Variants in RNF168 observed in about 807,000 individuals in gnomAD.
RNF168 encodes the protein ring finger protein 168, also known as E3 ubiquitin-protein ligase RNF168.
Under a neutral mutation model 34.9 loss-of-function variants are expected in RNF168, and 34 were observed. That is an observed-to-expected ratio of 0.97 (90% CI 0.74 to 1.30). The LOEUF is 1.30. Ranked by LOEUF, RNF168 falls within the 50% of genes most tolerant of loss-of-function variation. RNF168 has a pLI of 0.00. For synonymous variants in RNF168, 264 were observed against 254.7 expected (o/e 1.04, Z -0.35); for missense variants, 725 against 682.5 (o/e 1.06, Z -0.69).
rs1216150152 is a variant in RNF168 at position 196,503,177 on chromosome 3, A to G, written c.-4T>C. 6.2e-7 allele frequency: 1 copy of G among 1,613,566 alleles called. No homozygotes were observed. The highest frequency in any genetic ancestry group is 1.3e-5 in the African/African-American group (1 of 74,906). ...TGGCGTCTTTGGGTAGAGCCATTTCAATATGTTAGTAAAGCCGACTAAACA... is the reference window on the plus strand; with the variant it reads ...TGGCGTCTTTGGGTAGAGCCATTTCGATATGTTAGTAAAGCCGACTAAACA... On this transcript the variant is annotated 5_prime_UTR_variant, in exon 1 of 6. Coordinates refer to ENST00000318037, the MANE Select transcript of RNF168 (RefSeq NM_152617.4).
rs191494468 is a variant in RNF168 at position 196,477,341 on chromosome 3, T to C, written c.681-2029A>G. Among the ~76,000 whole-genome samples the C allele has an allele frequency of 3.0e-3, 454 of 152,138 alleles. 2 individuals are homozygous for C. Among genetic ancestry groups the C allele is most frequent in the Admixed American group, 5.2e-3 (80 of 15,280 alleles). ...ATTAGAGAAAAAAAGTGACTATAAATAACAGACAAATCCATAAGTTACACT... is the reference window on the plus strand; with the variant it reads ...ATTAGAGAAAAAAAGTGACTATAAACAACAGACAAATCCATAAGTTACACT... On this transcript the variant is annotated intron_variant, in intron 4 of 5. Transcript: ENST00000318037.
chr3:196,491,118 G>C lies in RNF168; in HGVS notation c.302-2435C>G, dbSNP rs548648047. 6.6e-5 allele frequency among the ~76,000 whole-genome samples: 10 copies of C among 152,206 alleles called. No homozygotes were observed. In the South Asian group the frequency reaches 1.9e-3, roughly 28 times the overall value. Reference sequence around the variant, plus strand: ...TCATGAGGTCAGGAGTTCGAGACCAGCCTGGCCAATATGGTGAAACCCCGT... The same window carrying C: ...TCATGAGGTCAGGAGTTCGAGACCACCCTGGCCAATATGGTGAAACCCCGT... On this transcript the variant is annotated intron_variant, in intron 1 of 5. Coordinates refer to ENST00000318037, the MANE Select transcript of RNF168 (RefSeq NM_152617.4).
chr3:196,491,909 A>G (rs970414343), intron 1 of RNF168, among the ~76,000 whole-genome samples: 13 of 152,156 alleles, frequency 8.5e-5, no homozygotes, highest in African/African-American at 3.1e-4. Context: ...GTGGGGTTCC[A>G]CTCGTACGAG....
Position 196,487,416 on chromosome 3 carries a change from T to A in RNF168, c.541A>T (p.Lys181Ter). 6.2e-7 allele frequency: 1 copy of A among 1,614,088 alleles called. No individual in the cohort carries two copies. ...AAACTTACAATATCAATGCTTAGCT[T>A]TCTTGCCAGTTCCTCATCACTTTTC... Reference protein sequence around the residue: ...QLKSDEELARKLSIDINNFCE... With the variant: ...QLKSDEELAR Residue 181 changes from lysine to a stop codon, truncating the protein, a stop_gained, in exon 3 of 6, where the codon AAG becomes TAG. Transcript: ENST00000318037. LOFTEE classifies it high-confidence loss of function.
At chr3:196,475,558 T>TTC (rs1732126797) in intron 4 of RNF168, among the ~76,000 whole-genome samples, 3 of 149,792 alleles carry the variant, frequency 2.0e-5, no homozygotes, top group Non-Finnish European at 3.0e-5. Context: ...TTTTCTTTTT[T>TTC]TTTTTTTTTT....
chr3:196,492,406 A>G (rs1164339918), intron 1 of RNF168, among the ~76,000 whole-genome samples: 1 of 152,138 alleles, frequency 6.6e-6, no homozygotes, highest in Non-Finnish European at 1.5e-5. Context: ...ACTAGAAAGC[A>G]AAACATATCA....
intron 1 of RNF168, among the ~76,000 whole-genome samples, chr3:196,491,371 G>A (rs143459867): frequency 2.0e-4 from 31 of 151,590 alleles, no homozygotes; most frequent in Non-Finnish European, 3.5e-4. Context: ...ACAGTAGGCC[G>A]GGCACAGTGG....
intron 5 of RNF168, among the ~76,000 whole-genome samples, chr3:196,473,837 CA>C (rs11329031): frequency 0.74 from 111,945 of 151,002 alleles, 43,058 homozygotes; most frequent in African/African-American, 0.91. Context: ...AACAAACAAG[CA>C]AAAAAAAAAT....
At chr3:196,472,897 A>ATT (rs1236414773) in intron 5 of RNF168, 125 bp from the exon 6 acceptor site, 13 of 612,460 alleles carry the variant, frequency 2.1e-5, no homozygotes, top group Middle Eastern at 4.4e-4. Flanking sequence ...TAAGGTATAT[A>ATT]TTTCTTTCTT....
At position 196,494,853 on chromosome 3, in the gene RNF168, T is replaced by A. The variant is rs1732697816; in HGVS notation, c.302-6170A>T. On this transcript the variant is annotated intron_variant, in intron 1 of 5. Transcript: ENST00000318037. ...GCCTCGGTAACATAGTGAGACCCTA[T>A]CTCTACAAAAAATAAAAAAATTAGC... Among the ~76,000 whole-genome samples the A allele has an allele frequency of 1.3e-5, 2 of 151,942 alleles. 1 individual carries two copies. Among genetic ancestry groups the A allele is most frequent in the South Asian group, 4.1e-4 (2 of 4,822 alleles).
intron 4 of RNF168, among the ~76,000 whole-genome samples, chr3:196,481,198 T>C (rs1732278242): frequency 6.6e-6 from 1 of 152,210 alleles, no homozygotes; most frequent in Admixed American, 6.5e-5. Flanking sequence ...TTTTATTGTG[T>C]TACTGTGCAG....
intron 4 of RNF168, among the ~76,000 whole-genome samples, chr3:196,479,061 A>G (rs1271059521): frequency 6.8e-6 from 1 of 146,880 alleles, no homozygotes; most frequent in East Asian, 2.0e-4. Context: ...CCCAGGTTGG[A>G]GTGCAGTGGT....
chr3:196,484,245 A>G (rs927360379), intron 3 of RNF168, among the ~76,000 whole-genome samples: 4 of 131,160 alleles, frequency 3.0e-5, no homozygotes, highest in South Asian at 4.8e-4. Context: ...ATCTCGGCTC[A>G]CTGCAAGCTC....
Position 196,471,582 on chromosome 3 carries a change from G to A in RNF168, c.*237C>T, listed in dbSNP as rs1732007909. On this transcript the variant is annotated 3_prime_UTR_variant, in exon 6 of 6. Transcript: ENST00000318037. ...AAAGCTTAAGATATCTCTAAGAATT[G>A]TAAAGCTTAATACACATCTGTTATT... The A allele has an allele frequency of 2.1e-6, 1 of 481,308 alleles. No homozygotes were observed. The allele number at this position is 481,308 out of a possible 1,614,324, so 29.8% of individuals were successfully genotyped here.
intron 5 of RNF168, among the ~76,000 whole-genome samples, chr3:196,473,541 G>C (rs1257582986): frequency 6.6e-6 from 1 of 152,184 alleles, no homozygotes; most frequent in African/African-American, 2.4e-5. Context: ...GTAGAGATAA[G>C]TATAAATGAT....
At chr3:196,482,982 A>C (rs565382517) in intron 4 of RNF168, among the ~76,000 whole-genome samples, 5 of 152,116 alleles carry the variant, frequency 3.3e-5, no homozygotes, top group Non-Finnish European at 5.9e-5. Context: ...ATAAAGATTC[A>C]TGAGTTATAG....
At chr3:196,500,364 C>T (rs1458786948) in intron 1 of RNF168, among the ~76,000 whole-genome samples, 1 of 152,118 alleles carries the variant, frequency 6.6e-6, no homozygotes, top group Non-Finnish European at 1.5e-5. Context: ...TATGGATGAA[C>T]CTGGAAAACA....
chr3:196,499,128 C>T (rs903245654), intron 1 of RNF168, among the ~76,000 whole-genome samples: 4 of 151,856 alleles, frequency 2.6e-5, no homozygotes, highest in African/African-American at 9.7e-5. Flanking sequence ...GGAGTTCATA[C>T]AAAGAGTACA....
In RNF168 at chr3:196,477,408, C is replaced by G. The variant is rs1014109984; in HGVS notation, c.681-2096G>C. Among the ~76,000 whole-genome samples the G allele has an allele frequency of 2.0e-5, 3 of 152,136 alleles. No individual in the cohort carries two copies. In the East Asian group the frequency reaches 5.8e-4, roughly 29 times the overall value. On this transcript the variant is annotated intron_variant, in intron 4 of 5. Transcript: ENST00000318037. Reference sequence around the variant, plus strand: ...CAAGTAGCATATGGAACAATCAAACCTAAACAAAGATCTCATATAAAGAAC... The same window carrying G: ...CAAGTAGCATATGGAACAATCAAACGTAAACAAAGATCTCATATAAAGAAC...
Sources: gnomAD v4.1 joint callset for allele counts (sites outside exome capture counted in the v4.1 genomes callset) on GRCh38, gnomAD v4.1.1 for gene constraint, MANE v1.5 for transcripts, NCBI Gene and HGNC (gene_info 2026-07-23, HGNC 2026-07-21) for gene names.